Variants in CREB5 observed in about 807,000 individuals in gnomAD.
CREB5 encodes the protein cAMP responsive element binding protein 5, also known as cyclic AMP-responsive element-binding protein 5.
A neutral mutation model predicts 57.1 loss-of-function variants in CREB5; 19 were observed. That is an observed-to-expected ratio of 0.33 (90% CI 0.23 to 0.49). CREB5 has a LOEUF of 0.49. Ranked by LOEUF, CREB5 falls within the 20% of genes least tolerant of loss-of-function variation. CREB5 has a pLI of 0.99. For synonymous variants in CREB5, 238 were observed against 238.3 expected (o/e 1.00, Z 0.01); for missense variants, 579 against 671.6 (o/e 0.86, Z 1.52).
At chr7:28,795,761 T>TGGAC (rs1808002142) in intron 7 of CREB5, among the ~76,000 whole-genome samples, 6 of 151,114 alleles carry the variant, frequency 4.0e-5, no homozygotes, top group Non-Finnish European at 5.9e-5. Context: ...CTTTCTTTTT[T>TGGAC]TTTTTTTTTG....
intron 1 of CREB5, among the ~76,000 whole-genome samples, chr7:28,389,418 G>A (rs1256695948): frequency 6.6e-6 from 1 of 151,902 alleles, no homozygotes; most frequent in Non-Finnish European, 1.5e-5. Flanking sequence ...ACTAATCCAG[G>A]GCTACTGGCT....
intron 1 of CREB5, among the ~76,000 whole-genome samples, chr7:28,331,938 A>G (rs1287434235): frequency 6.6e-6 from 1 of 152,142 alleles, no homozygotes; most frequent in Non-Finnish European, 1.5e-5. Flanking sequence ...CCCTCCCCCA[A>G]AAGATATGTC....
At chr7:28,491,528 T>C (rs1250404894) in intron 2 of CREB5, among the ~76,000 whole-genome samples, 1 of 152,190 alleles carries the variant, frequency 6.6e-6, no homozygotes, top group Non-Finnish European at 1.5e-5. Context: ...ACATGGAAAT[T>C]GGGATTGACA....
chr7:28,790,428 A>AAGAGAGAGAGAGAG (rs370615013), intron 7 of CREB5, among the ~76,000 whole-genome samples: 98 of 115,750 alleles, frequency 8.5e-4, no homozygotes, highest in Middle Eastern at 8.4e-3. Context: ...GAAAGAAAGA[A>AAGAGAGAGAGAGAG]AGAGAGAGAG....
intron 1 of CREB5, among the ~76,000 whole-genome samples, chr7:28,378,779 T>C (rs1188433062): frequency 6.6e-6 from 1 of 152,228 alleles, no homozygotes; most frequent in Non-Finnish European, 1.5e-5. Flanking sequence ...CAACATTCCT[T>C]GGGTAGAGTT....
intron 5 of CREB5, among the ~76,000 whole-genome samples, chr7:28,655,177 A>G (rs1462370677): frequency 6.6e-6 from 1 of 152,100 alleles, no homozygotes; most frequent in Non-Finnish European, 1.5e-5. Context: ...TGCTGAGGTT[A>G]CAGGCATGAG....
upstream of CREB5, chr7:28,410,077 C>A (rs187968108): frequency 1.0e-5 from 4 of 398,978 alleles, no homozygotes; most frequent in East Asian, 1.6e-4. Flanking sequence ...GGTGGGCGCG[C>A]GCGCAGGGGG....
At chr7:28,598,092 G>A (rs1046898778) in intron 5 of CREB5, among the ~76,000 whole-genome samples, 5 of 152,098 alleles carry the variant, frequency 3.3e-5, no homozygotes, top group African/African-American at 4.8e-5. Flanking sequence ...AACTTGAATT[G>A]TTTCTCCCAG....
intron 5 of CREB5, among the ~76,000 whole-genome samples, chr7:28,674,834 G>C (rs1800240848): frequency 6.6e-6 from 1 of 152,194 alleles, no homozygotes; most frequent in African/African-American, 2.4e-5. Flanking sequence ...ATCAGATTAT[G>C]CTAGTCCCTT....
intron 7 of CREB5, among the ~76,000 whole-genome samples, chr7:28,767,537 C>CTA (rs770322367): frequency 2.6e-5 from 4 of 152,138 alleles, no homozygotes; most frequent in Non-Finnish European, 4.4e-5. Flanking sequence ...CAACATGGCC[C>CTA]TAAAGACTCA....
At chr7:28,565,033 C>G (rs1795424460) in intron 4 of CREB5, among the ~76,000 whole-genome samples, 1 of 152,174 alleles carries the variant, frequency 6.6e-6, no homozygotes, top group Non-Finnish European at 1.5e-5. Context: ...TTGAATGATT[C>G]ATCTAGGTTA....
chr7:28,621,131 T>C (rs1269569829), intron 5 of CREB5, among the ~76,000 whole-genome samples: 2 of 141,200 alleles, frequency 1.4e-5, no homozygotes, highest in Non-Finnish European at 3.0e-5. Flanking sequence ...CCTTGAGACA[T>C]CCAGATTAGA....
At chr7:28,753,836 T>C (rs894422444) in intron 7 of CREB5, among the ~76,000 whole-genome samples, 6 of 152,150 alleles carry the variant, frequency 3.9e-5, no homozygotes, top group African/African-American at 1.4e-4. Flanking sequence ...TTTCTAAATC[T>C]AATTAGAAAA....
intron 1 of CREB5, among the ~76,000 whole-genome samples, chr7:28,405,568 A>G (rs1415326563): frequency 1.3e-5 from 2 of 152,062 alleles, no homozygotes; most frequent in Non-Finnish European, 2.9e-5. Context: ...GCACACCACC[A>G]TGCCTGGCTA....
intron 2 of CREB5, among the ~76,000 whole-genome samples, chr7:28,492,392 T>C (rs12112123): frequency 0.018 from 2,685 of 152,334 alleles, 52 homozygotes; most frequent in African/African-American, 0.057. Context: ...GAGCTCAGTG[T>C]TAATTTCACT....
intron 4 of CREB5, among the ~76,000 whole-genome samples, chr7:28,550,486 T>G (rs1466564581): frequency 2.0e-5 from 3 of 152,174 alleles, no homozygotes; most frequent in Admixed American, 2.0e-4. Context: ...CCAATTCCTT[T>G]GCTTTACAGT....
At position 28,695,320 on chromosome 7, in the gene CREB5, TGAG is replaced by T. The variant is rs955506606; in HGVS notation, c.465-23429_465-23427del. ...GTGCCCAGACCAAGCTCTAAGGCGG[TGAG>T]GAGCACATTTCTGCCCTGCCAGGCC... On this transcript the variant is annotated intron_variant, in intron 5 of 10. Transcript: ENST00000357727. 6.6e-5 allele frequency among the ~76,000 whole-genome samples: 10 copies of T among 152,304 alleles called. 1 individual carries two copies. Among genetic ancestry groups the T allele is most frequent in the Admixed American group, 5.2e-4 (8 of 15,296 alleles).
Position 28,755,784 on chromosome 7 carries a change from A to G in CREB5, c.702+31452A>G, listed in dbSNP as rs552497084. Among the ~76,000 whole-genome samples, 10 of 152,320 alleles carry G rather than the reference A, an allele frequency of 6.6e-5. No individual in the cohort carries two copies. In the South Asian group the frequency reaches 1.9e-3, roughly 28 times the overall value. The stretch of plus-strand genomic sequence containing the variant: ...CTGAGAGCTGCTCGCCATGAAAAGA[A>G]TGAAATGAATGCTGTGAACCAAGGA... On this transcript the variant is annotated intron_variant, in intron 7 of 10. Transcript: ENST00000357727.
intron 5 of CREB5, among the ~76,000 whole-genome samples, chr7:28,627,143 T>A (rs1019354786): frequency 6.6e-6 from 1 of 152,240 alleles, no homozygotes; most frequent in African/African-American, 2.4e-5. Flanking sequence ...GTGGTTCATA[T>A]AATCTTTTTT....
Sources: allele counts gnomAD v4.1 joint callset (sites outside exome capture counted in the v4.1 genomes callset), GRCh38; gene constraint gnomAD v4.1.1; transcripts MANE v1.5; gene names NCBI Gene and HGNC (gene_info 2026-07-23, HGNC 2026-07-21).